The following CHST8 variants were observed in gnomAD, a reference collection of about 807,000 sequenced individuals.
CHST8 encodes the protein carbohydrate sulfotransferase 8.
Under a neutral mutation model 15.0 loss-of-function variants are expected in CHST8, and 10 were observed. The ratio of observed to expected loss-of-function variants is 0.67; its 90% confidence interval spans 0.41 to 1.13. CHST8 has a LOEUF of 1.13. Among genes scored for constraint, CHST8 ranks in the 50% most tolerant of loss-of-function variants. The probability of loss-of-function intolerance (pLI) is 0.00; values close to 1 mark genes in which losing one functional copy is unlikely to be tolerated. For missense variants in CHST8, 634 were observed against 608.2 expected, an observed-to-expected ratio of 1.04 and a Z score of -0.45; for synonymous variants, 259 against 256.6, an observed-to-expected ratio of 1.01 and a Z score of -0.09.
At chr19:33,680,094 A>C (rs73591058) in intron 2 of CHST8, among the ~76,000 whole-genome samples, 1,649 of 152,092 alleles carry the variant, frequency 0.011, 29 homozygotes, top group African/African-American at 0.033. Flanking sequence ...GCAGGTATTG[A>C]TCCTTAATAA....
intron 3 of CHST8, among the ~76,000 whole-genome samples, chr19:33,727,308 G>A (rs868845977): frequency 3.3e-5 from 5 of 152,102 alleles, no homozygotes; most frequent in African/African-American, 9.7e-5. Context: ...AACTTGTGCC[G>A]ACCCAGGAGG....
intron 1 of CHST8, among the ~76,000 whole-genome samples, chr19:33,665,084 C>T (rs543392989): frequency 3.3e-5 from 5 of 152,196 alleles, no homozygotes; most frequent in South Asian, 2.1e-4. Flanking sequence ...CTTTGTAATA[C>T]GCTGGTTTCC....
chr19:33,740,771 A>G (rs1974170599), intron 3 of CHST8, among the ~76,000 whole-genome samples: 1 of 152,198 alleles, frequency 6.6e-6, no homozygotes, highest in Non-Finnish European at 1.5e-5. Flanking sequence ...CATATGGGAC[A>G]GTGCACACAC....
At chr19:33,701,100 C>T (rs1392886777) in intron 3 of CHST8, among the ~76,000 whole-genome samples, 6 of 152,160 alleles carry the variant, frequency 3.9e-5, no homozygotes, top group Non-Finnish European at 4.4e-5. Context: ...CACTGCCACA[C>T]TCCCTGGGAG....
intron 3 of CHST8, among the ~76,000 whole-genome samples, chr19:33,724,279 G>T (rs1480217794): frequency 6.6e-6 from 1 of 152,176 alleles, no homozygotes; most frequent in African/African-American, 2.4e-5. Context: ...CATGCCCTGG[G>T]TGTGGGGCCT....
chr19:33,648,246 A>G (rs1972379237), intron 1 of CHST8, among the ~76,000 whole-genome samples: 2 of 152,130 alleles, frequency 1.3e-5, no homozygotes, highest in African/African-American at 2.4e-5. Flanking sequence ...AGACATAATC[A>G]CATACCTCAC....
At chr19:33,666,662 C>G (rs1972665426) in intron 1 of CHST8, among the ~76,000 whole-genome samples, 1 of 152,090 alleles carries the variant, frequency 6.6e-6, no homozygotes, top group East Asian at 1.9e-4. Flanking sequence ...TGAAGATAGA[C>G]TTAATTAGAG....
intron 1 of CHST8, among the ~76,000 whole-genome samples, chr19:33,631,983 C>CTATTATTAT (rs1972127837): frequency 6.6e-6 from 1 of 152,140 alleles, no homozygotes; most frequent in Admixed American, 6.5e-5. Context: ...GCTATTATTA[C>CTATTATTAT]TATTATTATT....
At chr19:33,707,601 T>C (rs1316500038) in intron 3 of CHST8, among the ~76,000 whole-genome samples, 1 of 152,236 alleles carries the variant, frequency 6.6e-6, no homozygotes, top group Admixed American at 6.5e-5. Context: ...GTTTGTTTCT[T>C]TTTATTGTCA....
In CHST8 at chr19:33,695,821, C is replaced by CTTTCTTTCTTTCTTTCTTTCTTTCTTTTT. The variant is rs57718433; in HGVS notation, c.130+6433_130+6434insCTTTCTTTCTTTCTTTCTTTCTTTTTTTT. On this transcript the variant is annotated intron_variant, in intron 3 of 4. Coordinates refer to ENST00000650847, the MANE Select transcript of CHST8 (RefSeq NM_001127895.2). ...TTTCTTTTTCTTTCTTTCTTTCTTT[C>CTTTCTTTCTTTCTTTCTTTCTTTCTTTTT]TTTTTTTTTTTTTTTTTTTTTGAGA... Among the ~76,000 whole-genome samples the CTTTCTTTCTTTCTTTCTTTCTTTCTTTTT allele has an allele frequency of 6.6e-5, 5 of 76,240 alleles. No homozygotes were observed. In the East Asian group the frequency reaches 1.2e-3, roughly 18 times the overall value. 50.0% of individuals were successfully genotyped at this position (76,240 alleles called of 152,430 possible).
intron 1 of CHST8, among the ~76,000 whole-genome samples, chr19:33,623,395 T>C (rs1409309905): frequency 3.3e-5 from 5 of 152,140 alleles, no homozygotes; most frequent in Non-Finnish European, 7.4e-5. Flanking sequence ...TCCCGGCCCC[T>C]CTCCATCTGC....
chr19:33,642,989 A>G (rs551897637), intron 1 of CHST8, among the ~76,000 whole-genome samples: 2 of 152,266 alleles, frequency 1.3e-5, no homozygotes, highest in South Asian at 4.1e-4. Flanking sequence ...AATTTATAGA[A>G]CCGGTTCCTT....
chr19:33,660,894 C>A (rs922310139), intron 1 of CHST8, among the ~76,000 whole-genome samples: 4 of 152,154 alleles, frequency 2.6e-5, no homozygotes, highest in Non-Finnish European at 5.9e-5. Flanking sequence ...CCTTTAAATT[C>A]TTTTCAAGGG....
intron 3 of CHST8, among the ~76,000 whole-genome samples, chr19:33,705,330 C>T (rs565516554): frequency 5.3e-5 from 8 of 152,266 alleles, no homozygotes; most frequent in Admixed American, 6.5e-5. Context: ...GTTCAGCAGC[C>T]GGGAGCCCTG....
intron 2 of CHST8, among the ~76,000 whole-genome samples, chr19:33,687,685 C>T (rs1357730835): frequency 6.6e-6 from 1 of 152,150 alleles, no homozygotes; most frequent in Non-Finnish European, 1.5e-5. Flanking sequence ...AAACCCAAAC[C>T]TGCAATTTAC....
At chr19:33,765,511 CTT>C (rs1491358309) in intron 3 of CHST8, among the ~76,000 whole-genome samples, 62 of 94,828 alleles carry the variant, frequency 6.5e-4, no homozygotes, top group African/African-American at 2.9e-3. Flanking sequence ...AAATGCCAGT[CTT>C]TGTGTGTGTG....
chr19:33,635,763 G>T (rs1972187401), intron 1 of CHST8, among the ~76,000 whole-genome samples: 1 of 152,180 alleles, frequency 6.6e-6, no homozygotes, highest in African/African-American at 2.4e-5. Flanking sequence ...TCACTGGAGA[G>T]CTATGGAAGG....
intron 3 of CHST8, among the ~76,000 whole-genome samples, chr19:33,724,328 G>C (rs1405856666): frequency 6.6e-6 from 1 of 152,198 alleles, no homozygotes; most frequent in Non-Finnish European, 1.5e-5. Context: ...GAAGGGGAAG[G>C]TGCTGGGCGA....
chr19:33,693,936 C>T (rs1339998063), intron 3 of CHST8, among the ~76,000 whole-genome samples: 1 of 151,166 alleles, frequency 6.6e-6, no homozygotes, highest in Non-Finnish European at 1.5e-5. Context: ...ACTCCTTCTT[C>T]ATTCTTTTAA....
Sources: gnomAD v4.1 joint callset for allele counts (sites outside exome capture counted in the v4.1 genomes callset) on GRCh38, gnomAD v4.1.1 for gene constraint, MANE v1.5 for transcripts, NCBI Gene and HGNC (gene_info 2026-07-23, HGNC 2026-07-21) for gene names.